The following RIF1 variants were observed in gnomAD, a reference collection of about 807,000 sequenced individuals.
RIF1 encodes the protein replication timing regulatory factor 1, also known as telomere-associated protein RIF1.
RIF1 carries 45 observed loss-of-function variants against 247.1 expected under a neutral mutation model. The observed-to-expected ratio is 0.18, with a 90% CI of 0.14 to 0.23. The LOEUF is 0.23. Among genes scored for constraint, RIF1 ranks in the 10% least tolerant of loss-of-function variants. The pLI, the probability that RIF1 is intolerant of heterozygous loss-of-function variation, is 1.00. For missense variants in RIF1, 2,967 were observed against 2,862.5 expected (o/e 1.04, Z -0.83); for synonymous variants, 1,087 against 978.8 (o/e 1.11, Z -2.06).
At chr2:151,511,428 C>T (rs942219969), downstream of RIF1, among the ~76,000 whole-genome samples, 5 of 152,130 alleles carry the variant, frequency 3.3e-5, no homozygotes, top group African/African-American at 1.2e-4. Context: ...ATCCTTGATT[C>T]CCCAACCTGA....
intron 8 of RIF1, among the ~76,000 whole-genome samples, chr2:151,428,031 G>A (rs1232838075): frequency 6.6e-6 from 1 of 151,794 alleles, no homozygotes; most frequent in Non-Finnish European, 1.5e-5. Context: ...CACTCCAGCC[G>A]GGTGACAGAG....
exon 11 of RIF1, chr2:151,499,413 C>G (rs1196124740): frequency 2.2e-6 from 3 of 1,395,260 alleles, no homozygotes; most frequent in South Asian, 1.2e-5. Flanking sequence ...AGAAAGCATC[C>G]AGAAAAAACA....
intron 3 of RIF1, among the ~76,000 whole-genome samples, 171 bp from the exon 4 acceptor site, chr2:151,414,652 T>C (rs1686885357): frequency 6.6e-6 from 1 of 151,576 alleles, no homozygotes; most frequent in Non-Finnish European, 1.5e-5. Context: ...GCTGTACACA[T>C]GGCCTTTGGA....
intron 18 of RIF1, among the ~76,000 whole-genome samples, chr2:151,444,162 A>G (rs996804562): frequency 3.3e-5 from 5 of 152,232 alleles, no homozygotes; most frequent in Admixed American, 6.5e-5. Context: ...ATGTTTACCT[A>G]TTTAACAAAA....
chr2:151,482,671 A>G (rs899337586), downstream of RIF1, among the ~76,000 whole-genome samples: 1 of 152,238 alleles, frequency 6.6e-6, no homozygotes, highest in Non-Finnish European at 1.5e-5. Context: ...AAGGAAAACA[A>G]CAACAACAAC....
At chr2:151,433,041 G>C in intron 9 of RIF1, 36 bp from the exon 10 acceptor site, 1 of 1,539,434 alleles carries the variant, frequency 6.5e-7, no homozygotes, top group South Asian at 1.2e-5. Context: ...CTTTAGCTTG[G>C]ACGTCTCTTT....
chr2:151,414,613 G>A (rs544628111), intron 3 of RIF1, among the ~76,000 whole-genome samples: 102 of 152,232 alleles, frequency 6.7e-4, no homozygotes, highest in African/African-American at 9.9e-4. Flanking sequence ...AGGTGATCTC[G>A]ATCCAGTTTC....
Position 151,458,357 on chromosome 2 carries a change from T to A in RIF1, c.2855+394T>A, listed in dbSNP as rs1695573017. Among the ~76,000 whole-genome samples, 3 of 150,454 alleles carry A rather than the reference T, an allele frequency of 2.0e-5. No homozygotes were observed. In the South Asian group the frequency reaches 6.3e-4, roughly 32 times the overall value. On this transcript the variant is annotated intron_variant, in intron 24 of 35. Coordinates refer to ENST00000444746, the MANE Select transcript of RIF1 (RefSeq NM_018151.5). ...AAGCGATTCTCCTGCCTCAGCCTCC[T>A]GAGTAGCTGGGACTGAAGGTGCGTG...
chr2:151,465,719 G>C lies in RIF1; in HGVS notation c.6199G>C (p.Val2067Leu), dbSNP rs373924448. ...NMLTAEMDNFVCDTVEMSTEE... is the reference protein window; with the variant it reads ...NMLTAEMDNFLCDTVEMSTEE... ...GTTGACTGCAGAAATGGACAACTTTGTTTGTGACACAGTTGAAATGAGCAC... is the reference window on the plus strand; with the variant it reads ...GTTGACTGCAGAAATGGACAACTTTCTTTGTGACACAGTTGAAATGAGCAC... The change falls in exon 30 of 36, where the codon GTT becomes CTT. Residue 2067 changes from valine to leucine, a missense_variant. Val to Leu is a conservative substitution (Grantham distance 32, BLOSUM62 1). Transcript: ENST00000444746. 3.3e-5 allele frequency: 53 copies of C among 1,614,088 alleles called. No individual in the cohort carries two copies. The highest frequency in any genetic ancestry group is 3.6e-5 in the Non-Finnish European group (43 of 1,180,040).
the RIF1 span, among the ~76,000 whole-genome samples, chr2:151,527,207 C>T: frequency 6.6e-6 from 1 of 151,564 alleles, no homozygotes; most frequent in South Asian, 2.1e-4. Flanking sequence ...GCTGCCAGGA[C>T]CAAGCCCCTC....
intron 12 of RIF1, chr2:151,503,383 T>A (rs2066248286): frequency 6.2e-7 from 1 of 1,612,614 alleles, no homozygotes; most frequent in Non-Finnish European, 8.5e-7. Flanking sequence ...TTTGACTCTC[T>A]CAATCTCTGG....
Position 151,467,059 on chromosome 2 carries a change from T to C in RIF1, c.6600+939T>C, listed in dbSNP as rs529034859. ...GCCTGACCAACATGGAGAAACCCCATCTCTATTAAAAATACAAAAATTAGC... is the reference window on the plus strand; with the variant it reads ...GCCTGACCAACATGGAGAAACCCCACCTCTATTAAAAATACAAAAATTAGC... On this transcript the variant is annotated intron_variant, in intron 30 of 35. Coordinates refer to ENST00000444746, the MANE Select transcript of RIF1 (RefSeq NM_018151.5). 5.9e-5 allele frequency among the ~76,000 whole-genome samples: 9 copies of C among 151,948 alleles called. No individual in the cohort carries two copies. In the South Asian group the frequency reaches 1.7e-3, roughly 28 times the overall value.
chr2:151,486,039 G>A, downstream of RIF1: 2 of 1,141,508 alleles, frequency 1.8e-6, no homozygotes, highest in Non-Finnish European at 2.5e-6. Flanking sequence ...AACTTAAGTT[G>A]AACAAAAGAG....
intron 30 of RIF1, among the ~76,000 whole-genome samples, chr2:151,466,865 A>G (rs1437884929): frequency 6.6e-6 from 1 of 152,234 alleles, no homozygotes; most frequent in Non-Finnish European, 1.5e-5. Context: ...TACATTTTAT[A>G]TATACAAGCA....
chr2:151,438,554 C>T (rs959194021), intron 13 of RIF1, 130 bp from the exon 14 acceptor site: 1 of 660,740 alleles, frequency 1.5e-6, no homozygotes, highest in Non-Finnish European at 2.8e-6. Context: ...GGTTGAGTAT[C>T]ATGAGGAAAA....
At chr2:151,522,771 C>T in the RIF1 span, among the ~76,000 whole-genome samples, 1,542 of 152,224 alleles carry the variant, frequency 0.01, 34 homozygotes, top group African/African-American at 0.035. Context: ...CTTAAGATGC[C>T]TCATCATAGG....
intron 9 of RIF1, among the ~76,000 whole-genome samples, chr2:151,494,618 A>G (rs2058853288): frequency 6.6e-6 from 1 of 152,024 alleles, no homozygotes; most frequent in East Asian, 1.9e-4. Flanking sequence ...GCTGTTCCTA[A>G]TACATCAGCT....
chr2:151,474,727 G>T, intron 35 of RIF1, 130 bp from the exon 36 acceptor site: 1 of 636,236 alleles, frequency 1.6e-6, no homozygotes, highest in Non-Finnish European at 2.7e-6. Context: ...TTGTGTGCTT[G>T]TCCTCATGAA....
At position 151,443,637 on chromosome 2, in the gene RIF1, G is replaced by A. The variant is rs747112697; in HGVS notation, c.1914G>A (p.Gln638=). 1.9e-6 allele frequency: 3 copies of A among 1,611,842 alleles called. No homozygotes were observed. The highest frequency in any genetic ancestry group is 1.3e-5 in the African/African-American group (1 of 74,846). ...VLNVINQNAK[Q]LENKEHLWKM... is the part of the protein sequence containing the mutation. ...ATGTTATTAATCAAAATGCAAAGCA[G>A]TTGGAAAATAAGGAGCATCTCTGGA... Residue 638 remains glutamine (Q), a synonymous_variant, in exon 18 of 36, where the codon CAG becomes CAA. Coordinates refer to ENST00000444746, the MANE Select transcript of RIF1 (RefSeq NM_018151.5).
Sources: gnomAD v4.1 joint callset for allele counts (sites outside exome capture counted in the v4.1 genomes callset) on GRCh38, gnomAD v4.1.1 for gene constraint, MANE v1.5 for transcripts, NCBI Gene and HGNC (gene_info 2026-07-23, HGNC 2026-07-21) for gene names.